The following MAF variants were observed in gnomAD, a reference collection of about 807,000 sequenced individuals.
MAF encodes the protein transcription factor Maf.
A neutral mutation model predicts 22.0 loss-of-function variants in MAF; 10 were observed. That is an observed-to-expected ratio of 0.45 (90% CI 0.28 to 0.77). The LOEUF is 0.77. Among genes scored for constraint, MAF ranks in the 30% least tolerant of loss-of-function variants. The probability of loss-of-function intolerance (pLI) is 0.12; values close to 1 mark genes in which losing one functional copy is unlikely to be tolerated. For synonymous variants in MAF, 337 were observed against 255.8 expected (o/e 1.32, Z -3.03); for missense variants, 544 against 548.4 (o/e 0.99, Z 0.08).
chr16:79,516,603 A>G, the MAF span, among the ~76,000 whole-genome samples: 1 of 152,258 alleles, frequency 6.6e-6, no homozygotes, highest in Non-Finnish European at 1.5e-5. Flanking sequence ...TCTGTGCTAG[A>G]CACTGCTAAT....
the MAF span, among the ~76,000 whole-genome samples, chr16:79,248,125 G>T: frequency 1.3e-5 from 2 of 151,114 alleles, no homozygotes; most frequent in African/African-American, 2.4e-5. Context: ...ATTTTCTTTG[G>T]ATCATAAAAC....
the MAF span, among the ~76,000 whole-genome samples, chr16:79,339,002 T>G: frequency 7.2e-3 from 1,104 of 152,310 alleles, 5 homozygotes; most frequent in Non-Finnish European, 0.011. Context: ...CCAAGGAAGG[T>G]GAATGTAATG....
chr16:79,492,456 A>G, the MAF span, among the ~76,000 whole-genome samples: 1 of 150,280 alleles, frequency 6.7e-6, no homozygotes, highest in Non-Finnish European at 1.5e-5. Context: ...CCCTTACCCC[A>G]GCCCATTTGT....
At chr16:79,336,711 G>C in the MAF span, among the ~76,000 whole-genome samples, 1 of 152,168 alleles carries the variant, frequency 6.6e-6, no homozygotes, top group Non-Finnish European at 1.5e-5. Context: ...TTTTACTCCA[G>C]GGAGTTTCAT....
the MAF span, among the ~76,000 whole-genome samples, chr16:79,575,360 G>C: frequency 3.3e-5 from 5 of 152,176 alleles, no homozygotes; most frequent in Non-Finnish European, 5.9e-5. Context: ...ACTAAGAGGA[G>C]ACAGTCAGCT....
chr16:79,364,360 TGTGA>T, the MAF span, among the ~76,000 whole-genome samples: 4 of 152,118 alleles, frequency 2.6e-5, no homozygotes, highest in Non-Finnish European at 4.4e-5. Flanking sequence ...GGACATTGAC[TGTGA>T]GTTAGTTTTT....
At chr16:79,458,168 G>T in the MAF span, among the ~76,000 whole-genome samples, 8 of 125,440 alleles carry the variant, frequency 6.4e-5, no homozygotes, top group African/African-American at 1.8e-4. Flanking sequence ...TGACTACTCA[G>T]CTAACTAGCA....
the MAF span, among the ~76,000 whole-genome samples, chr16:79,300,706 T>C: frequency 1.3e-5 from 2 of 151,990 alleles, no homozygotes; most frequent in East Asian, 3.9e-4. Context: ...TTTTTTTTCT[T>C]TTTTGGAGAG....
the MAF span, among the ~76,000 whole-genome samples, chr16:79,330,277 T>C: frequency 6.6e-6 from 1 of 152,188 alleles, no homozygotes; most frequent in Non-Finnish European, 1.5e-5. Context: ...GAGAACAAAA[T>C]GTGTATGTGG....
the MAF span, among the ~76,000 whole-genome samples, chr16:79,236,183 C>T: frequency 1.2e-4 from 18 of 152,058 alleles, no homozygotes; most frequent in Admixed American, 2.6e-4. Flanking sequence ...TGTCTCTCCT[C>T]GCCATAGCTT....
At chr16:79,233,167 G>A in the MAF span, among the ~76,000 whole-genome samples, 7 of 151,848 alleles carry the variant, frequency 4.6e-5, no homozygotes, top group African/African-American at 1.2e-4. Context: ...ATGACTACCC[G>A]TGCAGGTTTT....
At chr16:79,597,259 A>G (rs1663786853) in intron 1 of MAF, 2 of 1,048,468 alleles carry the variant, frequency 1.9e-6, no homozygotes, top group Non-Finnish European at 2.3e-6. Flanking sequence ...CTTTATCTGT[A>G]GCATACATTT....
the MAF span, among the ~76,000 whole-genome samples, chr16:79,285,733 T>C: frequency 6.6e-6 from 1 of 152,194 alleles, no homozygotes; most frequent in Non-Finnish European, 1.5e-5. Context: ...ACCGCAGGAC[T>C]CACCACCAAA....
At chr16:79,550,413 A>C in the MAF span, among the ~76,000 whole-genome samples, 1 of 152,072 alleles carries the variant, frequency 6.6e-6, no homozygotes, top group Admixed American at 6.5e-5. Context: ...CATGAGTTGC[A>C]AAATGGGTCA....
Position 79,599,166 on chromosome 16 carries a change from A to G in MAF, c.737T>C (p.Leu246Pro), listed in dbSNP as rs2143803861. Residue 246 changes from leucine to proline, a missense_variant, in exon 1 of 2, where the codon CTG becomes CCG. Around this residue, in one of 5 missense-constraint regions of MAF, gnomAD observed 342 missense variants for 315.5 expected, o/e 1.08. Transcript: ENST00000326043. The stretch of plus-strand genomic sequence containing the variant: ...GCCGCCGGCGGCGTGGTGCGGGTGC[A>G]GGGCGCCCCCCGCCCCCGCCGCGCC... ...GGGAAGAGGA[L>P]HPHHAAGGLH... 1.4e-6 allele frequency: 2 copies of G among 1,409,984 alleles called. No homozygotes were observed. Among genetic ancestry groups the G allele is most frequent in the Non-Finnish European group, 1.9e-6 (2 of 1,073,580 alleles). The allele number at this position is 1,409,984 out of a possible 1,614,324, so 87.3% of individuals were successfully genotyped here. A position where few individuals can be genotyped will look rare whatever the true frequency, so the allele number is the denominator to read the frequency against.
chr16:79,218,465 C>A, the MAF span, among the ~76,000 whole-genome samples: 7 of 152,334 alleles, frequency 4.6e-5, no homozygotes, highest in Middle Eastern at 3.4e-3. Flanking sequence ...GAGCGTAGAA[C>A]TGGAGTTCCT....
the MAF span, among the ~76,000 whole-genome samples, chr16:79,403,460 G>A: frequency 1.3e-5 from 2 of 152,206 alleles, no homozygotes; most frequent in South Asian, 4.1e-4. Context: ...ATCCAGGGCA[G>A]TGGATCAAGT....
chr16:79,352,228 C>T, the MAF span, among the ~76,000 whole-genome samples: 579 of 152,250 alleles, frequency 3.8e-3, 3 homozygotes, highest in African/African-American at 0.013. Flanking sequence ...GGCCAAGCTC[C>T]GGGCAAGAAT....
At chr16:79,397,299 A>C in the MAF span, among the ~76,000 whole-genome samples, 1 of 152,300 alleles carries the variant, frequency 6.6e-6, no homozygotes, top group Admixed American at 6.5e-5. Context: ...GGATCTCATC[A>C]ATGTGTGGAG....
Sources: gnomAD v4.1 joint callset for allele counts (sites outside exome capture counted in the v4.1 genomes callset) on GRCh38, gnomAD v4.1.1 for gene constraint, gnomAD v4.1.1 regional missense constraint, MANE v1.5 for transcripts, NCBI Gene and HGNC (gene_info 2026-07-23, HGNC 2026-07-21) for gene names.